Variants in UNG observed in about 807,000 individuals in gnomAD.
UNG encodes uracil DNA glycosylase, also known as uracil-DNA glycosylase.
UNG carries 34 observed loss-of-function variants against 36.5 expected under a neutral mutation model. The ratio of observed to expected loss-of-function variants is 0.93; its 90% CI spans 0.71 to 1.24. The LOEUF is 1.24. UNG is among the 50% of genes most tolerant of loss of function. The pLI is 0.00. For synonymous variants in UNG, 172 were observed against 157.8 expected, an observed-to-expected ratio of 1.09 and a Z score of -0.67; for missense variants, 391 against 397.6, an observed-to-expected ratio of 0.98 and a Z score of 0.14.
Position 109,100,977 on chromosome 12 carries a change from C to G in UNG, c.436-925C>G, listed in dbSNP as rs530949522. Among the ~76,000 whole-genome samples the G allele has an allele frequency of 3.3e-5, 5 of 152,238 alleles. No homozygotes were observed. The East Asian group carries it at 7.7e-4, about 24-fold the overall frequency. On this transcript the variant is annotated intron_variant, in intron 3 of 6. Transcript: ENST00000242576. Reference sequence around the variant, plus strand: ...ACCTCCCGTGACAGGAACTTCATTTCATTTCATTGTCTCTTGCCACCTACT... The same window carrying G: ...ACCTCCCGTGACAGGAACTTCATTTGATTTCATTGTCTCTTGCCACCTACT...
intron 3 of UNG, among the ~76,000 whole-genome samples, chr12:109,100,235 A>G (rs529870039): frequency 1.3e-4 from 20 of 152,208 alleles, no homozygotes; most frequent in Admixed American, 9.8e-4. Flanking sequence ...AATCAAGTAG[A>G]TGCCTCTGTG....
chr12:109,101,863 T>G (rs2042180445), intron 3 of UNG, 39 bp from the exon 4 acceptor site: 2 of 1,552,948 alleles, frequency 1.3e-6, no homozygotes, highest in Admixed American at 1.7e-5. Context: ...CTGCTTACAT[T>G]ACAGTATTGT....
intron 6 of UNG, 48 bp from the exon 7 acceptor site, chr12:109,109,781 A>ATT (rs1555265462): frequency 9.5e-6 from 15 of 1,576,416 alleles, no homozygotes; most frequent in East Asian, 2.3e-5. Context: ...AAAAAAAAAA[A>ATT]TTTAAAAAGT....
intron 6 of UNG, among the ~76,000 whole-genome samples, chr12:109,107,074 T>G (rs2042223525): frequency 6.6e-6 from 1 of 150,828 alleles, no homozygotes; most frequent in Non-Finnish European, 1.5e-5. Context: ...CTATATAGCC[T>G]AGGTGTGTAG....
At position 109,103,481 on chromosome 12, in the gene UNG, ACT is replaced by A. The variant is rs1566121940; in HGVS notation, c.675_676del (p.His226Ter). ...CTCACGGTTCGTGCCCATCAAGCCA[ACT>A]CTCATAAGGAGCGAGGCTGGGAGCA... On this transcript the variant is annotated frameshift_variant, in exon 6 of 7. Coordinates refer to ENST00000242576, the MANE Select transcript of UNG (RefSeq NM_080911.3). LOFTEE classifies it high-confidence loss of function. 4 of 1,613,960 alleles carry A rather than the reference ACT, an allele frequency of 2.5e-6. No homozygotes were observed. Among genetic ancestry groups the A allele is most frequent in the Non-Finnish European group, 3.4e-6 (4 of 1,180,028 alleles).
chr12:109,098,614 G>T lies in UNG; in HGVS notation c.315G>T (p.Glu105Asp), dbSNP rs766958737. 1.2e-6 allele frequency: 2 copies of T among 1,613,572 alleles called. No individual in the cohort carries two copies. The highest frequency in any genetic ancestry group is 1.7e-6 in the Non-Finnish European group (2 of 1,180,046). The change falls in exon 2 of 7, where the codon GAG (glutamate) becomes GAT (aspartate). Residue 105 changes from glutamate to aspartate, a missense_variant. By Grantham distance (45) the Glu-to-Asp change is conservative. Transcript: ENST00000242576. ...GESWKKHLSG[E>D]FGKPYFIKLM... is the part of the protein sequence containing the mutation. Reference sequence around the variant, plus strand: ...GCTGGAAGAAGCACCTCAGCGGGGAGTTCGGGAAACCGTATTTTATCAAGG... The same window carrying T: ...GCTGGAAGAAGCACCTCAGCGGGGATTTCGGGAAACCGTATTTTATCAAGG...
chr12:109,105,811 C>T (rs571101309), intron 6 of UNG, among the ~76,000 whole-genome samples: 144 of 152,318 alleles, frequency 9.5e-4, no homozygotes, highest in Non-Finnish European at 1.7e-3. Context: ...CCACCTTTGC[C>T]TTCATTCAGG....
At chr12:109,103,722 A>T in intron 6 of UNG, 111 bp downstream of exon 6, 1 of 1,279,142 alleles carries the variant, frequency 7.8e-7, no homozygotes, top group Non-Finnish European at 1.1e-6. Flanking sequence ...CATGTTATAA[A>T]ATAACTTTTA....
chr12:109,105,909 A>G (rs246078), intron 6 of UNG, among the ~76,000 whole-genome samples: 150,168 of 152,376 alleles, frequency 0.99, 74,001 homozygotes, highest in Middle Eastern at 1. Context: ...AGGGGGGTAG[A>G]GGGGTGGCCC....
intron 3 of UNG, among the ~76,000 whole-genome samples, chr12:109,101,185 T>G: frequency 7.7e-6 from 1 of 129,564 alleles, no homozygotes; most frequent in African/African-American, 2.9e-5. Flanking sequence ...CTCCACCCCC[T>G]GGGTTCAAGC....
At chr12:109,101,147 C>T (rs111881908) in intron 3 of UNG, among the ~76,000 whole-genome samples, 236 of 107,850 alleles carry the variant, frequency 2.2e-3, no homozygotes, top group African/African-American at 8.1e-3. Context: ...AGATGGAGTG[C>T]AGTGGTGCAA....
At position 109,109,951 on chromosome 12, in the gene UNG, T is replaced by G. The variant is rs765063470; in HGVS notation, c.924T>G (p.Ile308Met). ...TGCAGAAGTCTGGCAAGAAGCCCAT[T>G]GACTGGAAGGAGCTGTGATCATCAG... Reference protein sequence around the residue: ...ELLQKSGKKPIDWKEL With the variant: ...ELLQKSGKKPMDWKEL The change falls in exon 7 of 7, where the codon ATT (isoleucine) becomes ATG (methionine). Residue 308 changes from isoleucine (I) to methionine (M), a missense_variant. Transcript: ENST00000242576. 1 of 1,614,112 alleles carries G rather than the reference T, an allele frequency of 6.2e-7. No homozygotes were observed. The highest frequency in any genetic ancestry group is 1.3e-5 in the African/African-American group (1 of 75,024).
intron 6 of UNG, among the ~76,000 whole-genome samples, chr12:109,108,555 C>T (rs1167939890): frequency 6.6e-6 from 1 of 151,990 alleles, no homozygotes; most frequent in East Asian, 1.9e-4. Context: ...TAACTTGAGC[C>T]TAGGAGGTGG....
At chr12:109,102,199 T>C (rs1360068274) in intron 4 of UNG, among the ~76,000 whole-genome samples, 200 bp downstream of exon 4, 1 of 152,202 alleles carries the variant, frequency 6.6e-6, no homozygotes, top group Non-Finnish European at 1.5e-5. Context: ...TGCAGGATCT[T>C]GTGCCACATC....
At chr12:109,107,279 C>T (rs908867204) in intron 6 of UNG, among the ~76,000 whole-genome samples, 3 of 152,096 alleles carry the variant, frequency 2.0e-5, no homozygotes, top group Non-Finnish European at 2.9e-5. Flanking sequence ...CAACTCACTG[C>T]GGCCTCAACC....
intron 6 of UNG, among the ~76,000 whole-genome samples, chr12:109,106,373 TCCTCA>T (rs1215748002): frequency 6.6e-6 from 1 of 152,116 alleles, no homozygotes; most frequent in Non-Finnish European, 1.5e-5. Context: ...CTGGCTTTAG[TCCTCA>T]CCCCTCATCG....
intron 3 of UNG, among the ~76,000 whole-genome samples, chr12:109,099,562 A>G (rs1230129923): frequency 6.6e-6 from 1 of 152,144 alleles, no homozygotes; most frequent in African/African-American, 2.4e-5. Context: ...GTCAGATGTT[A>G]TGGTGGTGGT....
At position 109,109,922 on chromosome 12, in the gene UNG, CT is replaced by C. The variant is rs758498159; in HGVS notation, c.896del (p.Leu299ArgfsTer24). ...TAGACACTTTTCAAAGACCAATGAG[CT>C]GCTGCAGAAGTCTGGCAAGAAGCCC... ...GCRHFSKTNE[L>X]LQKSGKKPID... On this transcript the variant is annotated frameshift_variant, in exon 7 of 7. Coordinates refer to ENST00000242576, the MANE Select transcript of UNG (RefSeq NM_080911.3). LOFTEE classifies it high-confidence loss of function. 1 of 1,614,168 alleles carries C rather than the reference CT, an allele frequency of 6.2e-7. No individual in the cohort carries two copies. The highest frequency in any genetic ancestry group is 8.5e-7 in the Non-Finnish European group (1 of 1,180,032).
intron 6 of UNG, chr12:109,104,963 GAGT>G (rs2042205247): frequency 6.6e-6 from 1 of 152,220 alleles, no homozygotes; most frequent in South Asian, 2.1e-4. Flanking sequence ...ACCCAGGCTG[GAGT>G]GCAGTGGCAT....
Sources: gnomAD v4.1 joint callset for allele counts (sites outside exome capture counted in the v4.1 genomes callset) on GRCh38, gnomAD v4.1.1 for gene constraint, MANE v1.5 for transcripts, NCBI Gene and HGNC (gene_info 2026-07-23, HGNC 2026-07-21) for gene names.